Variants in CLVS1 observed in about 807,000 individuals in gnomAD.
CLVS1 encodes clavesin 1.
CLVS1 carries 10 observed loss-of-function variants against 33.1 expected under a neutral mutation model. That is an observed-to-expected ratio of 0.30 (90% CI 0.19 to 0.51). The LOEUF (loss-of-function observed/expected upper bound fraction) is 0.51, where lower values mean the gene tolerates loss of function less well. Among genes scored for constraint, CLVS1 ranks in the 20% least tolerant of loss-of-function variants. CLVS1 has a pLI of 0.97. For synonymous variants in CLVS1, 163 were observed against 166.1 expected (o/e 0.98, Z 0.14); for missense variants, 343 against 433.4 (o/e 0.79, Z 1.85).
intron 2 of CLVS1, among the ~76,000 whole-genome samples, chr8:61,141,712 G>C (rs1431832319): frequency 6.6e-6 from 1 of 152,156 alleles, no homozygotes; most frequent in Non-Finnish European, 1.5e-5. Flanking sequence ...TATCAGGATT[G>C]GACAAGATTT....
intron 1 of CLVS1, among the ~76,000 whole-genome samples, chr8:61,124,268 A>G (rs1805932433): frequency 6.6e-6 from 1 of 152,198 alleles, no homozygotes; most frequent in African/African-American, 2.4e-5. Context: ...TATATAACCA[A>G]ACAATGACAC....
chr8:61,123,361 A>G (rs1004408629), intron 1 of CLVS1, among the ~76,000 whole-genome samples: 1 of 152,228 alleles, frequency 6.6e-6, no homozygotes, highest in Non-Finnish European at 1.5e-5. Context: ...CAATTCAATC[A>G]GTAACGTTGT....
At chr8:61,370,979 T>C (rs962815273) in intron 2 of CLVS1, among the ~76,000 whole-genome samples, 27 of 152,228 alleles carry the variant, frequency 1.8e-4, no homozygotes, top group African/African-American at 6.3e-4. Flanking sequence ...AGTGTCTTTT[T>C]CTTATAATGA....
chr8:61,192,885 G>A (rs1285357417), intron 2 of CLVS1, among the ~76,000 whole-genome samples: 2 of 152,204 alleles, frequency 1.3e-5, no homozygotes, highest in African/African-American at 4.8e-5. Flanking sequence ...TGCTGGAGAG[G>A]ACGTGGAGAA....
chr8:61,310,219 TA>T (rs1221393856), intron 2 of CLVS1, among the ~76,000 whole-genome samples: 3 of 152,088 alleles, frequency 2.0e-5, no homozygotes, highest in African/African-American at 7.2e-5. Flanking sequence ...TGAGAATGAG[TA>T]AACATAAACT....
intron 2 of CLVS1, among the ~76,000 whole-genome samples, chr8:61,314,077 C>G (rs1421412207): frequency 6.6e-6 from 1 of 152,154 alleles, no homozygotes; most frequent in Non-Finnish European, 1.5e-5. Context: ...GTGCACAAGA[C>G]AGAGTTAAGA....
At chr8:61,354,451 C>A (rs981911686) in intron 2 of CLVS1, among the ~76,000 whole-genome samples, 1 of 151,780 alleles carries the variant, frequency 6.6e-6, no homozygotes, top group Non-Finnish European at 1.5e-5. Flanking sequence ...ATGGGATTAC[C>A]ATACAGACCA....
At chr8:61,357,339 T>C (rs1812756764) in intron 2 of CLVS1, among the ~76,000 whole-genome samples, 1 of 152,066 alleles carries the variant, frequency 6.6e-6, no homozygotes, top group South Asian at 2.1e-4. Context: ...TGTACCTATA[T>C]TGATGCATAC....
At chr8:61,462,857 A>G (rs1404952332) in intron 5 of CLVS1, among the ~76,000 whole-genome samples, 2 of 152,172 alleles carry the variant, frequency 1.3e-5, no homozygotes, top group African/African-American at 4.8e-5. Context: ...TTCAACCTAA[A>G]GTCACCAGCT....
chr8:61,338,249 C>G (rs1397462081), intron 2 of CLVS1, among the ~76,000 whole-genome samples: 1 of 152,050 alleles, frequency 6.6e-6, no homozygotes, highest in African/African-American at 2.4e-5. Flanking sequence ...TTTTAAAACT[C>G]TATGCTTCTT....
At chr8:61,188,436 A>C (rs147015510) in intron 2 of CLVS1, among the ~76,000 whole-genome samples, 2 of 152,214 alleles carry the variant, frequency 1.3e-5, no homozygotes, top group Admixed American at 1.3e-4. Context: ...CAACCTAATA[A>C]CAGACAACAG....
intron 2 of CLVS1, among the ~76,000 whole-genome samples, chr8:61,232,040 T>TTTGTTTTG (rs1554548386): frequency 7.3e-6 from 1 of 136,368 alleles, no homozygotes; most frequent in African/African-American, 3.1e-5. Flanking sequence ...TTTTTTTTTT[T>TTTGTTTTG]TTTTTTTTTT....
chr8:61,120,140 T>C (rs1189267127), intron 1 of CLVS1, among the ~76,000 whole-genome samples: 2 of 147,128 alleles, frequency 1.4e-5, no homozygotes, highest in Admixed American at 1.3e-4. Context: ...CCATCGCTGA[T>C]ACCCTTTCTT....
intron 2 of CLVS1, among the ~76,000 whole-genome samples, chr8:61,318,384 A>G (rs1000724806): frequency 1.1e-4 from 16 of 152,166 alleles, no homozygotes; most frequent in African/African-American, 3.9e-4. Flanking sequence ...CATATACTGC[A>G]TGCCAGATGT....
intron 1 of CLVS1, among the ~76,000 whole-genome samples, chr8:61,120,596 G>C (rs1276181389): frequency 8.8e-6 from 1 of 114,004 alleles, no homozygotes; most frequent in Non-Finnish European, 1.7e-5. Context: ...CTAACAGACA[G>C]GACCCTCAGC....
intron 2 of CLVS1, among the ~76,000 whole-genome samples, chr8:61,317,535 C>CA (rs1394026759): frequency 6.6e-6 from 1 of 152,110 alleles, no homozygotes; most frequent in Non-Finnish European, 1.5e-5. Context: ...GCTCTTGGTC[C>CA]ATGCAGTTTT....
chr8:60,996,048 A>T, the CLVS1 span, among the ~76,000 whole-genome samples: 1 of 152,180 alleles, frequency 6.6e-6, no homozygotes, highest in African/African-American at 2.4e-5. Context: ...GCATTGGGAG[A>T]TATACCTAAT....
intron 2 of CLVS1, among the ~76,000 whole-genome samples, chr8:61,255,935 G>A (rs1809070576): frequency 1.3e-5 from 2 of 152,152 alleles, no homozygotes; most frequent in Non-Finnish European, 2.9e-5. Flanking sequence ...TATTATTTGA[G>A]TTTTATTTTT....
At chr8:61,388,431 G>T (rs1814170988) in intron 3 of CLVS1, among the ~76,000 whole-genome samples, 1 of 151,292 alleles carries the variant, frequency 6.6e-6, no homozygotes, top group African/African-American at 2.4e-5. Flanking sequence ...AACGATTAAT[G>T]TCTATATTTA....
Sources: gnomAD v4.1 joint callset for allele counts (sites outside exome capture counted in the v4.1 genomes callset) on GRCh38, gnomAD v4.1.1 for gene constraint, MANE v1.5 for transcripts, NCBI Gene and HGNC (gene_info 2026-07-23, HGNC 2026-07-21) for gene names.